The following MVB12A variants were observed in gnomAD, a reference collection of about 807,000 sequenced individuals.
MVB12A encodes multivesicular body subunit 12A.
In MVB12A, 30 loss-of-function variants were observed where a neutral mutation model predicts 34.3. The ratio of observed to expected loss-of-function variants is 0.88; its 90% confidence interval spans 0.65 to 1.19. MVB12A has a LOEUF of 1.19. Ranked by LOEUF, MVB12A falls within the 50% of genes most tolerant of loss-of-function variation. MVB12A has a pLI of 0.00. For synonymous variants in MVB12A, 158 were observed against 158.9 expected, an observed-to-expected ratio of 0.99 and a Z score of 0.04; for missense variants, 355 against 369.2, an observed-to-expected ratio of 0.96 and a Z score of 0.31.
At chr19:17,407,374 C>T (rs948276409) in intron 2 of MVB12A, among the ~76,000 whole-genome samples, 2 of 152,116 alleles carry the variant, frequency 1.3e-5, no homozygotes, top group Admixed American at 6.6e-5. Context: ...CAGCAATGCG[C>T]GGAGACTGGT....
intron 3 of MVB12A, 64 bp downstream of exon 3, chr19:17,420,698 GA>G: frequency 8.4e-7 from 1 of 1,189,958 alleles, no homozygotes; most frequent in Non-Finnish European, 1.2e-6. Context: ...GGGGAGGAGG[GA>G]CGACGGGCGC....
chr19:17,422,372 G>T lies in MVB12A; in HGVS notation c.327G>T (p.Leu109=). ...VSKKKRMCVK[L]LPLGATDTAV... ...AGAAGAAACGCATGTGTGTGAAGCT[G>T]TTGCCCCTGGGAGCCACGGACACGG... The change falls in exon 4 of 9, where the codon CTG becomes CTT. Residue 109 remains leucine (L), a synonymous_variant. Transcript: ENST00000317040. The T allele has an allele frequency of 6.2e-7, 1 of 1,613,550 alleles. No homozygotes were observed. The highest frequency in any genetic ancestry group is 8.5e-7 in the Non-Finnish European group (1 of 1,179,740).
At chr19:17,423,423 G>A (rs913323764) in intron 4 of MVB12A, 75 bp from the exon 5 acceptor site, 38 of 1,467,736 alleles carry the variant, frequency 2.6e-5, no homozygotes, top group African/African-American at 5.7e-5. Flanking sequence ...CGGGTCCCCC[G>A]CCTTCTCCAG....
At chr19:17,423,378 AAAT>A in intron 4 of MVB12A, 117 bp from the exon 5 acceptor site, 2 of 1,323,348 alleles carry the variant, frequency 1.5e-6, no homozygotes, top group Non-Finnish European at 2.0e-6. Flanking sequence ...AAAAAAAAAA[AAAT>A]TCCCCCAAAA....
upstream of MVB12A, chr19:17,420,019 C>A (rs990483224): frequency 1.0e-5 from 4 of 390,430 alleles, no homozygotes; most frequent in Non-Finnish European, 1.6e-5. Context: ...ATCTCCGCCC[C>A]CCCCCCCCGC....
chr19:17,415,298 AC>A (rs1196556545), upstream of MVB12A: 1 of 151,992 alleles, frequency 6.6e-6, no homozygotes, highest in East Asian at 1.9e-4. Flanking sequence ...TACTTACCCA[AC>A]CCCCTTCCTC....
chr19:17,410,529 T>TATATACACACACACACACACACAC, intron 2 of MVB12A, among the ~76,000 whole-genome samples: 6 of 74,476 alleles, frequency 8.1e-5, no homozygotes, highest in South Asian at 5.5e-4. Flanking sequence ...TATATATATA[T>TATATACACACACACACACACACAC]ACACACACAC....
intron 2 of MVB12A, among the ~76,000 whole-genome samples, chr19:17,413,790 T>C (rs2074783350): frequency 6.6e-6 from 1 of 152,236 alleles, no homozygotes; most frequent in African/African-American, 2.4e-5. Context: ...TTTTATTTTC[T>C]TTGACAGGAA....
intron 3 of MVB12A, chr19:17,420,994 C>T (rs771135625): frequency 1.5e-4 from 74 of 491,686 alleles, no homozygotes; most frequent in Admixed American, 4.6e-5. Context: ...GCCTGGGGCA[C>T]TTTTTCTCTC....
intron 1 of MVB12A, chr19:17,406,061 TG>T (rs2074726585): frequency 6.5e-6 from 1 of 154,856 alleles, no homozygotes; most frequent in Admixed American, 6.5e-5. Flanking sequence ...CCCCAGGGAC[TG>T]GTTTTTGTGT....
At chr19:17,410,547 TATAC>T (rs1406957232) in intron 2 of MVB12A, among the ~76,000 whole-genome samples, 2 of 120,662 alleles carry the variant, frequency 1.7e-5, no homozygotes, top group Non-Finnish European at 3.3e-5. Flanking sequence ...CACATATATA[TATAC>T]ACACACATAT....
At chr19:17,416,064 A>G (rs370469907), upstream of MVB12A, among the ~76,000 whole-genome samples, 1 of 152,230 alleles carries the variant, frequency 6.6e-6, no homozygotes, top group African/African-American at 2.4e-5. Context: ...TGGTTTAAAT[A>G]ACAGGCCTTG....
intron 2 of MVB12A, among the ~76,000 whole-genome samples, chr19:17,412,089 G>GC (rs2074772733): frequency 2.0e-5 from 3 of 152,250 alleles, no homozygotes; most frequent in Middle Eastern, 3.4e-3. Flanking sequence ...GTACAGGACG[G>GC]CCCCCCACAG....
chr19:17,410,144 G>A (rs2074755104), intron 2 of MVB12A, among the ~76,000 whole-genome samples: 1 of 151,920 alleles, frequency 6.6e-6, no homozygotes, highest in African/African-American at 2.4e-5. Context: ...AATTAGAAAT[G>A]GAAACTGTTA....
At position 17,422,447 on chromosome 19, in the gene MVB12A, C is replaced by A. The variant is rs142473602; in HGVS notation, c.402C>A (p.Tyr134Ter). Residue 134 changes from tyrosine to a stop codon, truncating the protein, a stop_gained, in exon 4 of 9, where the codon TAC becomes TAA. Coordinates refer to ENST00000317040, the MANE Select transcript of MVB12A (RefSeq NM_138401.4). LOFTEE classifies it high-confidence loss of function. Reference sequence around the variant, plus strand: ...GGAAGACCAAGACAGTGCCTGGATACCTTCGAATAGGGTAGGGCCACCCCC... The same window carrying A: ...GGAAGACCAAGACAGTGCCTGGATAACTTCGAATAGGGTAGGGCCACCCCC... The part of the protein sequence containing the change: ...LSGKTKTVPG[Y>*]LRIGDMGGFA... 1 of 1,612,204 alleles carries A rather than the reference C, an allele frequency of 6.2e-7. No homozygotes were observed. The highest frequency in any genetic ancestry group is 8.5e-7 in the Non-Finnish European group (1 of 1,178,848).
intron 8 of MVB12A, 75 bp from the exon 9 acceptor site, chr19:17,424,856 C>T: frequency 1.6e-6 from 2 of 1,233,482 alleles, no homozygotes; most frequent in Non-Finnish European, 2.3e-6. Flanking sequence ...CCCACTCTGC[C>T]ATTCCTCAGT....
intron 2 of MVB12A, among the ~76,000 whole-genome samples, chr19:17,407,725 G>T (rs2074738187): frequency 6.6e-6 from 1 of 152,206 alleles, no homozygotes; most frequent in Non-Finnish European, 1.5e-5. Flanking sequence ...CGGTTAGGCT[G>T]CCAGATAACC....
upstream of MVB12A, chr19:17,418,142 G>C (rs367726759): frequency 2.0e-5 from 3 of 152,666 alleles, no homozygotes; most frequent in East Asian, 3.9e-4. Flanking sequence ...TGATCCGCCT[G>C]CCTTGGCCTC....
At chr19:17,408,193 C>T (rs1216431273) in intron 2 of MVB12A, among the ~76,000 whole-genome samples, 1 of 151,898 alleles carries the variant, frequency 6.6e-6, no homozygotes, top group African/African-American at 2.4e-5. Flanking sequence ...TATACTGGAA[C>T]AGCTCGTGTC....
Sources: gnomAD v4.1 joint callset for allele counts (sites outside exome capture counted in the v4.1 genomes callset) on GRCh38, gnomAD v4.1.1 for gene constraint, MANE v1.5 for transcripts, NCBI Gene and HGNC (gene_info 2026-07-23, HGNC 2026-07-21) for gene names.